The following TJP3 variants were observed in gnomAD, a reference collection of about 807,000 sequenced individuals.
TJP3 encodes the protein tight junction protein 3.
A neutral mutation model predicts 104.2 loss-of-function variants in TJP3; 85 were observed. That is an observed-to-expected ratio of 0.82 (90% confidence interval 0.68 to 0.98). The LOEUF is 0.98. Ranked by LOEUF, TJP3 falls within the 50% of genes least tolerant of loss-of-function variation. The pLI is 0.00. For missense variants in TJP3, 1,367 were observed against 1,322.8 expected (o/e 1.03, Z -0.52); for synonymous variants, 550 against 550.6 (o/e 1.00, Z 0.02).
In TJP3 at chr19:3,748,039, C is replaced by A. The variant is rs775170409; in HGVS notation, c.2568C>A (p.Ser856Arg). 2.3e-5 allele frequency: 36 copies of A among 1,593,774 alleles called. No homozygotes were observed. The highest frequency in any genetic ancestry group is 2.7e-5 in the African/African-American group (2 of 74,520). ...SEPVQADESQ[S>R]PRDRGRISAH... ...CCGTGCAGGCAGATGAGTCCCAGAG[C>A]CCGAGGGATCGTGGGAGAATCTCGG... Residue 856 changes from serine (S) to arginine (R), a missense_variant, in exon 19 of 21, where the codon AGC becomes AGA. Ser to Arg is a moderately radical substitution (Grantham distance 110). Coordinates refer to ENST00000541714, the MANE Select transcript of TJP3 (RefSeq NM_001267560.2).
At position 3,740,646 on chromosome 19, in the gene TJP3, C is replaced by T. The variant is rs138611755; in HGVS notation, c.1726C>T (p.Arg576Trp). The change falls in exon 14 of 21, where the codon CGG (arginine) becomes TGG (tryptophan). Residue 576 changes from arginine (R) to tryptophan (W), a missense_variant. Transcript: ENST00000541714. ...AGSNARAEFW[R>W]LRGLRRGAKK... ...CTCCAATGCTCGGGCCGAGTTCTGGCGGCTGCGGGGTCTTCGTCGAGGAGC... is the reference window on the plus strand; with the variant it reads ...CTCCAATGCTCGGGCCGAGTTCTGGTGGCTGCGGGGTCTTCGTCGAGGAGC... 62 of 1,601,634 alleles carry T rather than the reference C, an allele frequency of 3.9e-5. No homozygotes were observed. The African/African-American group carries it at 6.0e-4, about 16-fold the overall frequency.
chr19:3,728,135 G>A (rs1231933013), intron 1 of TJP3, among the ~76,000 whole-genome samples: 2 of 151,866 alleles, frequency 1.3e-5, no homozygotes, highest in Non-Finnish European at 2.9e-5. Flanking sequence ...AGCTACCTGG[G>A]AGGCTGAGGC....
intron 8 of TJP3, 126 bp downstream of exon 8, chr19:3,734,561 G>A: frequency 1.2e-6 from 1 of 850,766 alleles, no homozygotes; most frequent in Non-Finnish European, 1.8e-6. Context: ...TTTCTAGCAT[G>A]TGCCTCAAAA....
chr19:3,743,929 T>C lies in TJP3; in HGVS notation c.1844-10T>C. 1.9e-6 allele frequency: 3 copies of C among 1,613,886 alleles called. No individual in the cohort carries two copies. The highest frequency in any genetic ancestry group is 2.5e-6 in the Non-Finnish European group (3 of 1,179,796). Reference sequence around the variant, plus strand: ...GACCCTGATTCTTTCACTGTGTCTCTACCCCTCAGCCAGTTTCAAGCGCCC... The same window carrying C: ...GACCCTGATTCTTTCACTGTGTCTCCACCCCTCAGCCAGTTTCAAGCGCCC... On this transcript the variant is annotated splice_polypyrimidine_tract_variant and intron_variant, in intron 14 of 20. Coordinates refer to ENST00000541714, the MANE Select transcript of TJP3 (RefSeq NM_001267560.2).
Position 3,718,578 on chromosome 19 carries a change from C to T in TJP3, c.-9-9846C>T, listed in dbSNP as rs368305944. Among the ~76,000 whole-genome samples the T allele has an allele frequency of 8.7e-4, 132 of 151,532 alleles. No homozygotes were observed. In the East Asian group the frequency reaches 0.021, roughly 24 times the overall value. ...CTGCCTCCCAGGTTTAAGTAATTCTCCTGCCTCAGCCTCCCTAGTAGCTGG... is the reference window on the plus strand; with the variant it reads ...CTGCCTCCCAGGTTTAAGTAATTCTTCTGCCTCAGCCTCCCTAGTAGCTGG... On this transcript the variant is annotated intron_variant, in intron 1 of 20. Transcript: ENST00000541714.
At position 3,733,810 on chromosome 19, in the gene TJP3, A is replaced by G; in HGVS notation, c.775A>G (p.Lys259Glu). 8.1e-6 allele frequency: 13 copies of G among 1,614,194 alleles called. No homozygotes were observed. Among genetic ancestry groups the G allele is most frequent in the Non-Finnish European group, 1.1e-5 (13 of 1,180,032 alleles). ...GAACGACACCCGGCGACTGATTGAG[A>G]AGTCAGAAGGGAAGCTAAGCCTGCT... ...SLNDTRRLIE[K>E]SEGKLSLLVL... The change falls in exon 7 of 21, where the codon AAG becomes GAG. Residue 259 changes from lysine (K) to glutamate (E), a missense_variant. Lys to Glu is a moderately conservative substitution (Grantham distance 56). Transcript: ENST00000541714.
Position 3,730,178 on chromosome 19 carries a change from G to A in TJP3, c.261+48G>A. 1 of 1,592,934 alleles carries A rather than the reference G, an allele frequency of 6.3e-7. No homozygotes were observed. ...GGCCAGCATCTCTGACCCCAGCCTGGGTCGTGCCGCTGTGGGGGTTGTAAG... is the reference window on the plus strand; with the variant it reads ...GGCCAGCATCTCTGACCCCAGCCTGAGTCGTGCCGCTGTGGGGGTTGTAAG... On this transcript the variant is annotated intron_variant, in intron 4 of 20. Coordinates refer to ENST00000541714, the MANE Select transcript of TJP3 (RefSeq NM_001267560.2). This position sits in a 1 kb window ranked among gnomAD's most constrained non-coding sequence, Gnocchi z 7.3.
intron 1 of TJP3, 106 bp from the exon 2 acceptor site, chr19:3,728,318 A>G: frequency 1.9e-6 from 3 of 1,573,922 alleles, no homozygotes. Flanking sequence ...CAGGCTCCAA[A>G]CACAGGCCTG....
chr19:3,730,379 C>A lies in TJP3; in HGVS notation c.286C>A (p.His96Asn). The A allele has an allele frequency of 6.5e-7, 1 of 1,546,762 alleles. No individual in the cohort carries two copies. Among genetic ancestry groups the A allele is most frequent in the Non-Finnish European group, 8.7e-7 (1 of 1,148,626 alleles). The change falls in exon 5 of 21, where the codon CAC becomes AAC. Residue 96 changes from histidine (H) to asparagine (N), a missense_variant. Coordinates refer to ENST00000541714, the MANE Select transcript of TJP3 (RefSeq NM_001267560.2). The surrounding 1 kb of genome is among the most constrained non-coding windows in gnomAD (Gnocchi z 7.3). Reference sequence around the variant, plus strand: ...GACAGTGAAACGTCCCCGGAGGATCCACCTGCCCGCCACCAAAGCCAGCCC... The same window carrying A: ...GACAGTGAAACGTCCCCGGAGGATCAACCTGCCCGCCACCAAAGCCAGCCC... Reference protein sequence around the residue: ...NITVKRPRRIHLPATKASPSS... With the variant: ...NITVKRPRRINLPATKASPSS...
chr19:3,732,482 T>G (rs540996608), intron 6 of TJP3, among the ~76,000 whole-genome samples: 3 of 151,982 alleles, frequency 2.0e-5, no homozygotes, highest in Admixed American at 2.0e-4. Context: ...TTCAGCTGAT[T>G]ATTTCCAGTG....
intron 1 of TJP3, among the ~76,000 whole-genome samples, chr19:3,727,081 T>TA (rs565948123): frequency 5.3e-4 from 75 of 141,592 alleles, no homozygotes; most frequent in South Asian, 1.8e-3. Flanking sequence ...AGACCCTGTC[T>TA]AAAAAAAAAA....
intron 1 of TJP3, among the ~76,000 whole-genome samples, chr19:3,728,183 T>C (rs2036620878): frequency 6.6e-6 from 1 of 151,894 alleles, no homozygotes; most frequent in Non-Finnish European, 1.5e-5. Flanking sequence ...GAGGTTGCAG[T>C]GAGCTGAGAT....
intron 13 of TJP3, 115 bp from the exon 14 acceptor site, chr19:3,740,437 C>G (rs1051802235): frequency 6.2e-6 from 3 of 480,272 alleles, no homozygotes; most frequent in Admixed American, 8.1e-5. Flanking sequence ...TCTGCAGAGT[C>G]CCTTTTGCCA....
intron 11 of TJP3, among the ~76,000 whole-genome samples, chr19:3,737,101 A>C (rs1004636720): frequency 1.3e-5 from 2 of 151,850 alleles, no homozygotes; most frequent in East Asian, 3.9e-4. Context: ...GCTGGTCTTG[A>C]ACTCCTGGCC....
chr19:3,715,330 C>T (rs1445560333), intron 1 of TJP3, among the ~76,000 whole-genome samples: 1 of 152,116 alleles, frequency 6.6e-6, no homozygotes, highest in Non-Finnish European at 1.5e-5. Flanking sequence ...ACCTCGTGAT[C>T]CGCCCGCCTC....
At position 3,736,386 on chromosome 19, in the gene TJP3, T is replaced by C. The variant is rs2036740715; in HGVS notation, c.1284+65T>C. ...CGTGCAGTGTGCTAGGTCCTGCCCT[T>C]GTCTGTTCCAGTCCTCCCCTTGGGT... On this transcript the variant is annotated intron_variant, in intron 11 of 20. Coordinates refer to ENST00000541714, the MANE Select transcript of TJP3 (RefSeq NM_001267560.2). 2.1e-6 allele frequency: 3 copies of C among 1,415,486 alleles called. No individual in the cohort carries two copies. The South Asian group carries it at 4.9e-5, about 23-fold the overall frequency. 87.7% of individuals were successfully genotyped at this position (1,415,486 alleles called of 1,614,324 possible). A position where few individuals can be genotyped will look rare whatever the true frequency, so the allele number is the denominator to read the frequency against.
At position 3,730,130 on chromosome 19, in the gene TJP3, C is replaced by A. The variant is rs764779827; in HGVS notation, c.261C>A (p.Ile87=). Reference sequence around the variant, plus strand: ...AGACCTGCACCAAGATGGCCAACATCGTGAGTAGGCAGCCCCTGGCATGGC... The same window carrying A: ...AGACCTGCACCAAGATGGCCAACATAGTGAGTAGGCAGCCCCTGGCATGGC... ...ILKTCTKMAN[I]TVKRPRRIHL... Residue 87 remains isoleucine (I), a splice_region_variant and synonymous_variant, in exon 4 of 21, where the codon ATC becomes ATA. Coordinates refer to ENST00000541714, the MANE Select transcript of TJP3 (RefSeq NM_001267560.2). The surrounding 1 kb of genome is among the most constrained non-coding windows in gnomAD (Gnocchi z 7.3). The A allele has an allele frequency of 2.5e-6, 4 of 1,613,902 alleles. No homozygotes were observed. In the East Asian group the frequency reaches 8.9e-5, roughly 36 times the overall value.
At position 3,731,947 on chromosome 19, in the gene TJP3, A is replaced by G. The variant is rs748199754; in HGVS notation, c.626A>G (p.Lys209Arg). 6.2e-7 allele frequency: 1 copy of G among 1,613,256 alleles called. No individual in the cohort carries two copies. ...TCCCCCCTTACAGAGTTTGGCGTCA[A>G]GCTGGGCAGTCAGATCTTCATCAAG... is the stretch of plus-strand genomic sequence containing the variant. ...KRRDSEEFGV[K>R]LGSQIFIKHI... Residue 209 changes from lysine (K) to arginine (R), a missense_variant, in exon 6 of 21, where the codon AAG (lysine) becomes AGG (arginine). By Grantham distance (26) the Lys-to-Arg change is conservative. Coordinates refer to ENST00000541714, the MANE Select transcript of TJP3 (RefSeq NM_001267560.2).
In TJP3 at chr19:3,748,099, G is replaced by A; in HGVS notation, c.2610+18G>A. On this transcript the variant is annotated intron_variant, in intron 19 of 20. Transcript: ENST00000541714. ...GGGCCCAGGTGCGTCGGACATGGGG[G>A]GCAGGCCTGGGAAGGGTCTCCGGAG... The A allele has an allele frequency of 6.5e-7, 1 of 1,533,942 alleles. No homozygotes were observed. Among genetic ancestry groups the A allele is most frequent in the Non-Finnish European group, 8.8e-7 (1 of 1,137,172 alleles).
Sources: gnomAD v4.1 joint callset for allele counts (sites outside exome capture counted in the v4.1 genomes callset) on GRCh38, gnomAD v4.1.1 for gene constraint, Gnocchi (gnomAD v3.1) non-coding constraint, MANE v1.5 for transcripts, NCBI Gene and HGNC (gene_info 2026-07-23, HGNC 2026-07-21) for gene names.